Variants in CRB1 observed in about 807,000 individuals in gnomAD.
The protein encoded by CRB1 is crumbs cell polarity complex component 1.
Under a neutral mutation model 120.0 loss-of-function variants are expected in CRB1, and 83 were observed. The observed-to-expected ratio is 0.69, with a 90% CI of 0.58 to 0.83. The LOEUF is 0.83. CRB1 is among the 40% of genes least tolerant of loss of function. CRB1 has a pLI of 0.00. For synonymous variants in CRB1, 625 were observed against 612.5 expected, an observed-to-expected ratio of 1.02 and a Z score of -0.30; for missense variants, 1,699 against 1,687.6, an observed-to-expected ratio of 1.01 and a Z score of -0.12.
intron 11 of CRB1, among the ~76,000 whole-genome samples, chr1:197,454,255 A>G (rs572102847): frequency 9.5e-5 from 11 of 115,198 alleles, no homozygotes; most frequent in Non-Finnish European, 2.0e-4. Flanking sequence ...AAATGATCTT[A>G]CCACAATTTT....
At chr1:197,396,371 C>T (rs1662772836) in intron 5 of CRB1, among the ~76,000 whole-genome samples, 1 of 152,096 alleles carries the variant, frequency 6.6e-6, no homozygotes, top group African/African-American at 2.4e-5. Context: ...TTGAAATACT[C>T]AACGTTGCTA....
intron 1 of CRB1, among the ~76,000 whole-genome samples, chr1:197,283,166 A>G (rs141719250): frequency 1.3e-5 from 2 of 152,024 alleles, no homozygotes; most frequent in East Asian, 3.9e-4. Context: ...AATCTACAAT[A>G]TGCAATTTGT....
chr1:197,221,029 T>C, the CRB1 span, among the ~76,000 whole-genome samples: 2 of 151,664 alleles, frequency 1.3e-5, no homozygotes, highest in African/African-American at 2.4e-5. Flanking sequence ...GAGATCTACA[T>C]GTCTTCTAAC....
At chr1:197,364,478 T>C (rs1291157882) in intron 5 of CRB1, among the ~76,000 whole-genome samples, 1 of 152,226 alleles carries the variant, frequency 6.6e-6, no homozygotes, top group African/African-American at 2.4e-5. Context: ...TTCTTTCAGA[T>C]CCTTTTTTAT....
intron 1 of CRB1, chr1:197,304,235 T>C: frequency 5.1e-6 from 1 of 194,796 alleles, no homozygotes; most frequent in Non-Finnish European, 9.3e-6. Flanking sequence ...TGGAATATAA[T>C]ATACTCTTTA....
At chr1:197,405,398 A>T (rs1663305049) in intron 5 of CRB1, among the ~76,000 whole-genome samples, 1 of 151,334 alleles carries the variant, frequency 6.6e-6, no homozygotes, top group Non-Finnish European at 1.5e-5. Flanking sequence ...CCCAGGCTGG[A>T]GTGCAGTGGT....
chr1:197,234,737 A>C, the CRB1 span, among the ~76,000 whole-genome samples: 1 of 152,226 alleles, frequency 6.6e-6, no homozygotes, highest in African/African-American at 2.4e-5. Flanking sequence ...GAAGCTATTC[A>C]TGGTTCCAAT....
intron 11 of CRB1, among the ~76,000 whole-genome samples, chr1:197,469,650 G>T (rs1666897281): frequency 1.3e-5 from 2 of 152,152 alleles, no homozygotes; most frequent in South Asian, 4.1e-4. Context: ...AGGGAGAGAA[G>T]CATGAATGTC....
In CRB1 at chr1:197,381,322, A is replaced by G. The variant is rs117213551; in HGVS notation, c.1171+24309A>G. ...AATAAAAGGAGACTAGATTATTACT[A>G]TACTTGAATCATTCAAATTGGCATA... On this transcript the variant is annotated intron_variant, in intron 5 of 11. Coordinates refer to ENST00000367400, the MANE Select transcript of CRB1 (RefSeq NM_201253.3). Among the ~76,000 whole-genome samples the G allele has an allele frequency of 7.1e-4, 108 of 152,368 alleles. No individual in the cohort carries two copies. In the East Asian group the frequency reaches 0.02, roughly 28 times the overall value.
intron 1 of CRB1, among the ~76,000 whole-genome samples, chr1:197,283,637 A>G (rs1235578533): frequency 2.6e-5 from 4 of 151,842 alleles, no homozygotes; most frequent in African/African-American, 7.2e-5. Flanking sequence ...ATAGATATAT[A>G]TCGATATACC....
chr1:197,343,392 G>A (rs1377086429), intron 2 of CRB1, among the ~76,000 whole-genome samples: 1 of 152,022 alleles, frequency 6.6e-6, no homozygotes, highest in African/African-American at 2.4e-5. Context: ...AAAATAGTTT[G>A]TTATTTAAAT....
intron 2 of CRB1, among the ~76,000 whole-genome samples, chr1:197,332,199 T>C (rs1189587196): frequency 6.6e-6 from 1 of 152,092 alleles, no homozygotes; most frequent in Non-Finnish European, 1.5e-5. Flanking sequence ...GAGTATATTC[T>C]AAATGTGAAA....
chr1:197,296,789 A>G (rs1331170896), intron 1 of CRB1, among the ~76,000 whole-genome samples: 1 of 152,034 alleles, frequency 6.6e-6, no homozygotes, highest in East Asian at 1.9e-4. Context: ...AATAAGTCTC[A>G]CAAGATCTGA....
At chr1:197,360,219 C>T (rs1388312160) in intron 5 of CRB1, 1 of 152,240 alleles carries the variant, frequency 6.6e-6, no homozygotes, top group African/African-American at 2.4e-5. Context: ...CTGGAGTTAT[C>T]ACCTTGTGTG....
chr1:197,325,443 A>G (rs1018678995), intron 1 of CRB1, among the ~76,000 whole-genome samples: 12 of 152,324 alleles, frequency 7.9e-5, no homozygotes, highest in Non-Finnish European at 1.3e-4. Context: ...GACACCATTC[A>G]TTTGATTTTT....
the CRB1 span, among the ~76,000 whole-genome samples, chr1:197,203,061 C>A: frequency 1.1e-4 from 16 of 151,810 alleles, no homozygotes; most frequent in African/African-American, 3.4e-4. Flanking sequence ...ATTTAGTTAG[C>A]ATTTAAAAAT....
At chr1:197,297,756 G>A (rs1212051687) in intron 1 of CRB1, among the ~76,000 whole-genome samples, 2 of 151,874 alleles carry the variant, frequency 1.3e-5, no homozygotes, top group Admixed American at 6.6e-5. Context: ...TGAGAAAAGA[G>A]AATTCACAAA....
At chr1:197,247,469 A>G in the CRB1 span, among the ~76,000 whole-genome samples, 2 of 152,084 alleles carry the variant, frequency 1.3e-5, no homozygotes, top group Non-Finnish European at 2.9e-5. Context: ...TTTCCCATTT[A>G]TCTAACCTTT....
chr1:197,246,632 C>T, the CRB1 span, among the ~76,000 whole-genome samples: 2 of 151,460 alleles, frequency 1.3e-5, no homozygotes, highest in African/African-American at 2.4e-5. Flanking sequence ...TGGAAGAAGT[C>T]GCAAGAATTA....
Sources: allele counts gnomAD v4.1 joint callset (sites outside exome capture counted in the v4.1 genomes callset), GRCh38; gene constraint gnomAD v4.1.1; transcripts MANE v1.5; gene names NCBI Gene and HGNC (gene_info 2026-07-23, HGNC 2026-07-21).